The following GAB1 variants were observed in gnomAD, a reference collection of about 807,000 sequenced individuals.
GAB1 encodes GRB2-associated-binding protein 1.
GAB1 carries 19 observed loss-of-function variants against 66.5 expected under a neutral mutation model. The observed-to-expected ratio is 0.29, with a 90% CI of 0.20 to 0.42. GAB1 has a LOEUF of 0.42. Ranked by LOEUF, GAB1 falls within the 10% of genes least tolerant of loss-of-function variation. The pLI, the probability that GAB1 is intolerant of heterozygous loss-of-function variation, is 1.00. For synonymous variants in GAB1, 294 were observed against 301.4 expected (o/e 0.98, Z 0.25); for missense variants, 732 against 858.5 (o/e 0.85, Z 1.84).
chr4:143,401,873 G>A (rs1731792923), intron 1 of GAB1, among the ~76,000 whole-genome samples: 1 of 152,122 alleles, frequency 6.6e-6, no homozygotes, highest in Non-Finnish European at 1.5e-5. Context: ...GTTGTTGCTA[G>A]TTATTTATTT....
intron 1 of GAB1, among the ~76,000 whole-genome samples, chr4:143,373,868 A>AATAAATATATAAATATATAT: frequency 1.1e-5 from 1 of 93,698 alleles, no homozygotes; most frequent in African/African-American, 4.6e-5. Context: ...TAAATAAATA[A>AATAAATATATAAATATATAT]ATATATATAT....
At chr4:143,413,397 A>G (rs1732498756) in intron 1 of GAB1, among the ~76,000 whole-genome samples, 3 of 152,202 alleles carry the variant, frequency 2.0e-5, no homozygotes, top group African/African-American at 4.8e-5. Context: ...TGACTTTTCA[A>G]TATTATCTAA....
chr4:143,459,567 G>A, intron 7 of GAB1, 89 bp downstream of exon 7: 1 of 826,584 alleles, frequency 1.2e-6, no homozygotes, highest in Non-Finnish European at 2.1e-6. Context: ...TGGAATAGTG[G>A]TTCTCAATGG....
chr4:143,418,965 G>A (rs1732860037), intron 2 of GAB1, among the ~76,000 whole-genome samples: 1 of 152,060 alleles, frequency 6.6e-6, no homozygotes, highest in Non-Finnish European at 1.5e-5. Flanking sequence ...AGGAAAGCTT[G>A]GTATGCTTTT....
intron 8 of GAB1, among the ~76,000 whole-genome samples, chr4:143,460,841 T>G (rs1206706469): frequency 6.6e-6 from 1 of 152,090 alleles, no homozygotes; most frequent in African/African-American, 2.4e-5. Flanking sequence ...AAAAATTAAG[T>G]TTTCAGTTAT....
rs1035310514 is a variant in GAB1, at chr4:143,337,069, C to CG, written c.-116dup. 1.2e-6 allele frequency: 1 copy of CG among 820,130 alleles called. No homozygotes were observed. Among genetic ancestry groups the CG allele is most frequent in the African/African-American group, 1.8e-5 (1 of 56,284 alleles). The allele number at this position is 820,130 out of a possible 1,614,324, so 50.8% of individuals were successfully genotyped here. On this transcript the variant is annotated 5_prime_UTR_variant, in exon 1 of 10. Transcript: ENST00000262994. ...GTGGAGTCTGTCCGCCCAGTCCGTC[C>CG]GGGGTGCGCGACCAGGAGAGCTAGG...
At chr4:143,446,019 C>G (rs1314927911) in intron 6 of GAB1, among the ~76,000 whole-genome samples, 2 of 152,062 alleles carry the variant, frequency 1.3e-5, no homozygotes, top group Non-Finnish European at 2.9e-5. Context: ...GTTCAATTCC[C>G]ATCTATGAGT....
At position 143,439,588 on chromosome 4, in the gene GAB1, T is replaced by C. The variant is rs1734114388; in HGVS notation, c.1196-214T>C. On this transcript the variant is annotated intron_variant, in intron 4 of 9. Coordinates refer to ENST00000262994, the MANE Select transcript of GAB1 (RefSeq NM_002039.4). Reference sequence around the variant, plus strand: ...ATTCACTCACACTCAAAATTAGATATTGGTATTGGTTAGCATATGAGTGAG... The same window carrying C: ...ATTCACTCACACTCAAAATTAGATACTGGTATTGGTTAGCATATGAGTGAG... 4 of 474,214 alleles carry C rather than the reference T, an allele frequency of 8.4e-6. No homozygotes were observed. The Admixed American group carries it at 1.0e-4, about 12-fold the overall frequency. 29.4% of individuals were successfully genotyped at this position (474,214 alleles called of 1,614,324 possible).
At chr4:143,392,099 G>A (rs1384746475) in intron 1 of GAB1, among the ~76,000 whole-genome samples, 1 of 152,178 alleles carries the variant, frequency 6.6e-6, no homozygotes, top group Non-Finnish European at 1.5e-5. Flanking sequence ...ATAACGGAGT[G>A]ATCTTAAAGA....
chr4:143,364,528 A>AAACTGG (rs1322531908), intron 1 of GAB1, among the ~76,000 whole-genome samples: 8 of 152,184 alleles, frequency 5.3e-5, no homozygotes, highest in African/African-American at 1.9e-4. Context: ...ATTATGGGGA[A>AAACTGG]AACTGGATAT....
chr4:143,439,086 A>AT (rs899292526), intron 4 of GAB1, among the ~76,000 whole-genome samples: 3 of 151,912 alleles, frequency 2.0e-5, no homozygotes, highest in African/African-American at 7.3e-5. Flanking sequence ...ATGCTGTTTG[A>AT]TTTTTACTTG....
chr4:143,413,968 C>A (rs537293999), intron 1 of GAB1, among the ~76,000 whole-genome samples: 2 of 151,354 alleles, frequency 1.3e-5, no homozygotes, highest in South Asian at 2.1e-4. Context: ...ATTACAGGAA[C>A]CTGCCACCAC....
rs1455403126 is a variant in GAB1 at position 143,471,179 on chromosome 4, A to G, written c.*1990A>G. 1.3e-5 allele frequency: 2 copies of G among 152,212 alleles called. No individual in the cohort carries two copies. Among genetic ancestry groups the G allele is most frequent in the Non-Finnish European group, 2.9e-5 (2 of 68,014 alleles). 9.4% of individuals were successfully genotyped at this position (152,212 alleles called of 1,614,324 possible). On this transcript the variant is annotated 3_prime_UTR_variant, in exon 10 of 10. Coordinates refer to ENST00000262994, the MANE Select transcript of GAB1 (RefSeq NM_002039.4). ...AAAATAAAAATCTTTACAGCTGCCT[A>G]TCAAGGGTCTAAAGCACTTAATGAA...
At chr4:143,425,339 T>A in intron 2 of GAB1, 1 of 769,884 alleles carries the variant, frequency 1.3e-6, no homozygotes, top group Non-Finnish European at 2.4e-6. Context: ...CTGGAGCCAA[T>A]CCAATTGCTG....
chr4:143,410,437 G>A (rs1244144631), intron 1 of GAB1, among the ~76,000 whole-genome samples: 1 of 152,142 alleles, frequency 6.6e-6, no homozygotes, highest in East Asian at 1.9e-4. Flanking sequence ...TAATGGCTTG[G>A]GGTTAATCCA....
At chr4:143,345,720 A>G (rs886721369) in intron 1 of GAB1, among the ~76,000 whole-genome samples, 1 of 152,258 alleles carries the variant, frequency 6.6e-6, no homozygotes, top group Non-Finnish European at 1.5e-5. Flanking sequence ...AAGGTCTTCT[A>G]ACTTACTTTT....
chr4:143,354,839 A>G (rs1320578591), intron 1 of GAB1, among the ~76,000 whole-genome samples: 1 of 152,228 alleles, frequency 6.6e-6, no homozygotes, highest in Non-Finnish European at 1.5e-5. Flanking sequence ...ACTCTTTTAT[A>G]GTAGCTTTTA....
chr4:143,405,196 TACAC>T (rs375909807), intron 1 of GAB1, among the ~76,000 whole-genome samples: 1 of 152,244 alleles, frequency 6.6e-6, no homozygotes, highest in African/African-American at 2.4e-5. Flanking sequence ...GGGAAGTCAT[TACAC>T]ACACACATAC....
chr4:143,344,730 C>T (rs1728935663), intron 1 of GAB1, among the ~76,000 whole-genome samples: 1 of 152,074 alleles, frequency 6.6e-6, no homozygotes, highest in Admixed American at 6.5e-5. Flanking sequence ...TTTGCTCATT[C>T]TAGGCTTCTA....
Sources: gnomAD v4.1 joint callset for allele counts (sites outside exome capture counted in the v4.1 genomes callset) on GRCh38, gnomAD v4.1.1 for gene constraint, MANE v1.5 for transcripts, NCBI Gene and HGNC (gene_info 2026-07-23, HGNC 2026-07-21) for gene names.